The following CRYGS variants were observed in gnomAD, a reference collection of about 807,000 sequenced individuals.
CRYGS encodes the protein gamma-crystallin S.
Under a neutral mutation model 21.3 loss-of-function variants are expected in CRYGS, and 13 were observed. The observed-to-expected ratio is 0.61, with a 90% CI of 0.40 to 0.97. CRYGS has a LOEUF of 0.97. CRYGS is among the 50% of genes least tolerant of loss of function. CRYGS has a pLI of 0.00. For synonymous variants in CRYGS, 67 were observed against 75.0 expected, an observed-to-expected ratio of 0.89 and a Z score of 0.55; for missense variants, 205 against 229.7, an observed-to-expected ratio of 0.89 and a Z score of 0.69.
intron 1 of CRYGS, chr3:186,540,611 T>C (rs1714042335): frequency 5.9e-6 from 1 of 169,612 alleles, no homozygotes; most frequent in Non-Finnish European, 1.2e-5. Flanking sequence ...TAAGATGGAA[T>C]TTCAGATCAA....
In CRYGS at chr3:186,544,308, T is replaced by C; in HGVS notation, c.19A>G (p.Lys7Glu). The C allele has an allele frequency of 1.2e-6, 2 of 1,603,872 alleles. No homozygotes were observed. Among genetic ancestry groups the C allele is most frequent in the Non-Finnish European group, 1.7e-6 (2 of 1,170,646 alleles). Residue 7 changes from lysine (K) to glutamate (E), a missense_variant and splice_region_variant, in exon 1 of 3, where the codon AAG becomes GAG. Coordinates refer to ENST00000307944, the MANE Select transcript of CRYGS (RefSeq NM_017541.4). ...TAAAAATCAATATGACTACTTACCTTGGTTCCAGTTTTAGACATTTTTGGT... is the reference window on the plus strand; with the variant it reads ...TAAAAATCAATATGACTACTTACCTCGGTTCCAGTTTTAGACATTTTTGGT... MSKTGT[K>E]ITFYEDKNFQ... is the part of the protein sequence containing the mutation.
In CRYGS at chr3:186,539,525, T is replaced by C. The variant is rs1330606299; in HGVS notation, c.94A>G (p.Thr32Ala). The C allele has an allele frequency of 6.2e-7, 1 of 1,613,932 alleles. No homozygotes were observed. Among genetic ancestry groups the C allele is most frequent in the African/African-American group, 1.3e-5 (1 of 74,904 alleles). ...DCDCDCADFHTYLSRCNSIKV... is the reference protein window; with the variant it reads ...DCDCDCADFHAYLSRCNSIKV... ...ATGGAGTTGCAGCGACTTAGGTATGTGTGGAAATCTGCACAGTCGCAATCA... is the reference window on the plus strand; with the variant it reads ...ATGGAGTTGCAGCGACTTAGGTATGCGTGGAAATCTGCACAGTCGCAATCA... Residue 32 changes from threonine to alanine, a missense_variant, in exon 2 of 3, where the codon ACA (threonine) becomes GCA (alanine). Thr to Ala is a moderately conservative substitution (Grantham distance 58). Coordinates refer to ENST00000307944, the MANE Select transcript of CRYGS (RefSeq NM_017541.4).
At chr3:186,539,841 A>G in intron 1 of CRYGS, 1 of 473,724 alleles carries the variant, frequency 2.1e-6, no homozygotes, top group Non-Finnish European at 3.9e-6. Flanking sequence ...AATAGAAGTG[A>G]GCAGTCTCAG....
chr3:186,542,069 C>A (rs564866685), intron 1 of CRYGS, among the ~76,000 whole-genome samples: 1 of 152,292 alleles, frequency 6.6e-6, no homozygotes, highest in Admixed American at 6.5e-5. Context: ...TTAATAATAC[C>A]ATCTATTTCA....
intron 1 of CRYGS, among the ~76,000 whole-genome samples, chr3:186,543,526 G>C (rs1714115481): frequency 6.6e-6 from 1 of 152,162 alleles, no homozygotes; most frequent in African/African-American, 2.4e-5. Flanking sequence ...ATGGAAATAG[G>C]AGAGACCAAA....
intron 1 of CRYGS, chr3:186,540,416 A>G (rs1450791206): frequency 6.6e-6 from 1 of 152,188 alleles, no homozygotes; most frequent in Non-Finnish European, 1.5e-5. Flanking sequence ...ACTACAGCAG[A>G]CTGGAAGTTC....
chr3:186,542,380 T>C (rs1367301104), intron 1 of CRYGS, among the ~76,000 whole-genome samples: 3 of 152,248 alleles, frequency 2.0e-5, no homozygotes, highest in Admixed American at 2.0e-4. Flanking sequence ...CATGCTATTG[T>C]CAGCCTAGAG....
chr3:186,539,263 T>A (rs1406298177), intron 2 of CRYGS, 92 bp downstream of exon 2: 1 of 1,554,256 alleles, frequency 6.4e-7, no homozygotes, highest in South Asian at 1.1e-5. Context: ...CATTAAGAGG[T>A]AGAGAAGACT....
At chr3:186,541,258 T>A (rs921266477) in intron 1 of CRYGS, among the ~76,000 whole-genome samples, 4 of 152,158 alleles carry the variant, frequency 2.6e-5, no homozygotes, top group African/African-American at 9.7e-5. Flanking sequence ...TACTAATAAT[T>A]GTTTCCCTCC....
chr3:186,542,163 C>T (rs1714085327), intron 1 of CRYGS, among the ~76,000 whole-genome samples: 1 of 152,224 alleles, frequency 6.6e-6, no homozygotes, highest in South Asian at 2.1e-4. Context: ...ATACATGATG[C>T]CTGATACGGT....
rs552287615 is a variant in CRYGS at position 186,538,790 on chromosome 3, C to T, written c.443G>A (p.Arg148Lys). Residue 148 changes from arginine (R) to lysine (K), a missense_variant, in exon 3 of 3, where the codon AGG (arginine) becomes AAG (lysine). Transcript: ENST00000307944. ...IFYELPNYRG[R>K]QYLLDKKEYR... ...CTCCTTCTTGTCCAGGAGGTACTGC[C>T]TGCCACGGTAGTTGGGTAGCTCATA... 6.2e-7 allele frequency: 1 copy of T among 1,614,150 alleles called. No homozygotes were observed. Among genetic ancestry groups the T allele is most frequent in the Admixed American group, 1.7e-5 (1 of 60,018 alleles).
At chr3:186,544,212 C>T (rs1372812151) in intron 1 of CRYGS, 94 bp downstream of exon 1, 16 of 855,670 alleles carry the variant, frequency 1.9e-5, no homozygotes, top group Non-Finnish European at 3.1e-5. Context: ...CACTATCATA[C>T]TCACCTCTAG....
In CRYGS at chr3:186,539,125, A is replaced by G. The variant is rs1044987639; in HGVS notation, c.265-157T>C. On this transcript the variant is annotated intron_variant, in intron 2 of 2. Coordinates refer to ENST00000307944, the MANE Select transcript of CRYGS (RefSeq NM_017541.4). ...TACTGACTAAAACAGCTAACTTTCAATAAGAAAAAATTAATTCTTCAAAAC... is the reference window on the plus strand; with the variant it reads ...TACTGACTAAAACAGCTAACTTTCAGTAAGAAAAAATTAATTCTTCAAAAC... 2.0e-5 allele frequency among the ~76,000 whole-genome samples: 3 copies of G among 152,208 alleles called. No individual in the cohort carries two copies. In the South Asian group the frequency reaches 6.2e-4, roughly 32 times the overall value.
intron 1 of CRYGS, among the ~76,000 whole-genome samples, chr3:186,543,084 T>G (rs1714105727): frequency 6.6e-6 from 1 of 152,184 alleles, no homozygotes; most frequent in Non-Finnish European, 1.5e-5. Flanking sequence ...CCAAATATAT[T>G]TATTCTGAAT....
chr3:186,544,261 A>G (rs755427034), intron 1 of CRYGS, 45 bp downstream of exon 1: 1 of 1,432,448 alleles, frequency 7.0e-7, no homozygotes. Context: ...TGAATGCATC[A>G]TTAGGTGAAA....
At chr3:186,542,371 A>G (rs1578958424) in intron 1 of CRYGS, among the ~76,000 whole-genome samples, 1 of 152,218 alleles carries the variant, frequency 6.6e-6, no homozygotes, top group African/African-American at 2.4e-5. Flanking sequence ...CATGAAATCC[A>G]TGCTATTGTC....
chr3:186,543,041 G>A (rs1321412531), intron 1 of CRYGS, among the ~76,000 whole-genome samples: 2 of 152,042 alleles, frequency 1.3e-5, no homozygotes, highest in East Asian at 3.9e-4. Flanking sequence ...GATGCAACAG[G>A]AAGTACACAA....
At chr3:186,539,680 T>A (rs1490650706) in intron 1 of CRYGS, 83 bp from the exon 2 acceptor site, 1 of 1,541,122 alleles carries the variant, frequency 6.5e-7, no homozygotes, top group African/African-American at 1.4e-5. Context: ...TAATGCCTAC[T>A]TTAGAAATTC....
chr3:186,542,312 C>A (rs767848983), intron 1 of CRYGS, among the ~76,000 whole-genome samples: 2 of 152,150 alleles, frequency 1.3e-5, no homozygotes, highest in Non-Finnish European at 2.9e-5. Context: ...TATCTCAGAG[C>A]CAGAGAATGT....
Sources: allele counts gnomAD v4.1 joint callset (sites outside exome capture counted in the v4.1 genomes callset), GRCh38; gene constraint gnomAD v4.1.1; transcripts MANE v1.5; gene names NCBI Gene and HGNC (gene_info 2026-07-23, HGNC 2026-07-21).